The following PKNOX2 variants were observed in gnomAD, a reference collection of about 807,000 sequenced individuals.
The protein encoded by PKNOX2 is PBX/knotted 1 homeobox 2.
In PKNOX2, 14 loss-of-function variants were observed where a neutral mutation model predicts 53.1. The ratio of observed to expected loss-of-function variants is 0.26; its 90% CI spans 0.17 to 0.41. PKNOX2 has a LOEUF of 0.41. Ranked by LOEUF, PKNOX2 falls within the 10% of genes least tolerant of loss-of-function variation. The probability of loss-of-function intolerance (pLI) is 1.00; values close to 1 mark genes in which losing one functional copy is unlikely to be tolerated. For synonymous variants in PKNOX2, 257 were observed against 242.8 expected, an observed-to-expected ratio of 1.06 and a Z score of -0.54; for missense variants, 496 against 602.8, an observed-to-expected ratio of 0.82 and a Z score of 1.85.
chr11:125,224,591 C>T (rs1216128111), intron 1 of PKNOX2, among the ~76,000 whole-genome samples: 2 of 152,220 alleles, frequency 1.3e-5, no homozygotes, highest in South Asian at 2.1e-4. Context: ...CGTTTGTTCT[C>T]AGATTGGTGT....
intron 10 of PKNOX2, among the ~76,000 whole-genome samples, chr11:125,421,133 G>C (rs905768071): frequency 3.3e-5 from 5 of 152,188 alleles, no homozygotes; most frequent in Admixed American, 6.5e-5. Context: ...AGCACTAAGG[G>C]GGTTGATCAT....
intron 10 of PKNOX2, among the ~76,000 whole-genome samples, chr11:125,428,201 G>C (rs541525711): frequency 1.3e-5 from 2 of 152,134 alleles, no homozygotes; most frequent in Non-Finnish European, 2.9e-5. Flanking sequence ...GTCAGTGCAC[G>C]GGCTGCAGCA....
chr11:125,233,712 G>A (rs922455614), intron 1 of PKNOX2, among the ~76,000 whole-genome samples: 12 of 152,196 alleles, frequency 7.9e-5, no homozygotes, highest in African/African-American at 2.9e-4. Flanking sequence ...ATGAACCAGA[G>A]AGAAAATTTG....
chr11:125,400,540 A>G (rs980534561), intron 7 of PKNOX2, among the ~76,000 whole-genome samples: 2 of 152,152 alleles, frequency 1.3e-5, no homozygotes, highest in African/African-American at 2.4e-5. Context: ...GTCTGGCTTC[A>G]GCCTTCCTGG....
At chr11:125,381,506 C>T (rs774900607) in intron 5 of PKNOX2, among the ~76,000 whole-genome samples, 2 of 152,124 alleles carry the variant, frequency 1.3e-5, no homozygotes, top group African/African-American at 2.4e-5. Context: ...CCACAGAAGA[C>T]ACCCCCAGAT....
intron 2 of PKNOX2, among the ~76,000 whole-genome samples, chr11:125,250,922 C>T (rs1943944297): frequency 6.6e-6 from 1 of 152,246 alleles, no homozygotes; most frequent in African/African-American, 2.4e-5. Flanking sequence ...CTCCTTCTGC[C>T]TCCCCTCAGC....
At chr11:125,195,989 C>T (rs958234413) in intron 1 of PKNOX2, among the ~76,000 whole-genome samples, 1 of 152,006 alleles carries the variant, frequency 6.6e-6, no homozygotes, top group Non-Finnish European at 1.5e-5. Flanking sequence ...AGCCTCAGGC[C>T]GGTCCCCTCC....
chr11:125,261,441 G>A (rs1047254066), intron 2 of PKNOX2, among the ~76,000 whole-genome samples: 1 of 152,212 alleles, frequency 6.6e-6, no homozygotes, highest in Non-Finnish European at 1.5e-5. Flanking sequence ...AGGGTGCCCT[G>A]CAGCTAAGCA....
chr11:125,351,733 C>A lies in PKNOX2; in HGVS notation c.87+341C>A, dbSNP rs183922306. On this transcript the variant is annotated intron_variant, in intron 4 of 12. Coordinates refer to ENST00000298282, the MANE Select transcript of PKNOX2 (RefSeq NM_001382323.2). ...GGCAAAATCCACAGTGGGGGAGACC[C>A]AGGTACCGGATGTGAGCGGAACCGC... Among the ~76,000 whole-genome samples, 569 of 152,194 alleles carry A rather than the reference C, an allele frequency of 3.7e-3. 4 individuals are homozygous for A. The highest frequency in any genetic ancestry group is 0.01 in the Middle Eastern group (3 of 294).
At chr11:125,172,300 G>A (rs547614988) in intron 1 of PKNOX2, among the ~76,000 whole-genome samples, 28 of 152,254 alleles carry the variant, frequency 1.8e-4, no homozygotes, top group African/African-American at 6.0e-4. Context: ...ACCTTTCCAC[G>A]TTGGCTTCTC....
chr11:125,372,444 C>T (rs981550008), intron 5 of PKNOX2, among the ~76,000 whole-genome samples: 3 of 152,218 alleles, frequency 2.0e-5, no homozygotes, highest in African/African-American at 7.2e-5. Flanking sequence ...AGCTGCAATC[C>T]TACATTCTTG....
At chr11:125,427,908 C>G (rs1956507116) in intron 10 of PKNOX2, among the ~76,000 whole-genome samples, 1 of 152,174 alleles carries the variant, frequency 6.6e-6, no homozygotes, top group African/African-American at 2.4e-5. Flanking sequence ...ACTCAGCCAT[C>G]CTGTGGCCTC....
chr11:125,205,135 T>A (rs967045883), intron 1 of PKNOX2, among the ~76,000 whole-genome samples: 1 of 152,266 alleles, frequency 6.6e-6, no homozygotes, highest in Non-Finnish European at 1.5e-5. Context: ...CAGAAGATGC[T>A]CCATACATAT....
At chr11:125,346,279 A>G (rs554371242) in intron 3 of PKNOX2, among the ~76,000 whole-genome samples, 1 of 152,204 alleles carries the variant, frequency 6.6e-6, no homozygotes, top group Admixed American at 6.5e-5. Context: ...CCACTCTCCA[A>G]CTAGATGGGA....
At chr11:125,383,445 T>TAA (rs551704955) in intron 5 of PKNOX2, among the ~76,000 whole-genome samples, 3 of 121,858 alleles carry the variant, frequency 2.5e-5, no homozygotes, top group Non-Finnish European at 5.1e-5. Context: ...CCCTCTCTGC[T>TAA]AAAAAAAAAA....
intron 2 of PKNOX2, among the ~76,000 whole-genome samples, chr11:125,299,096 G>A (rs1395382995): frequency 6.6e-6 from 1 of 152,140 alleles, no homozygotes; most frequent in Non-Finnish European, 1.5e-5. Flanking sequence ...GGCAAAGGGG[G>A]AGCAGGCATG....
chr11:125,388,833 C>A (rs1953836008), intron 6 of PKNOX2, among the ~76,000 whole-genome samples: 1 of 152,094 alleles, frequency 6.6e-6, no homozygotes, highest in Non-Finnish European at 1.5e-5. Flanking sequence ...TCCCTCCCTC[C>A]ATTAGCCACC....
At chr11:125,404,083 G>T (rs906010974) in intron 7 of PKNOX2, among the ~76,000 whole-genome samples, 1 of 152,058 alleles carries the variant, frequency 6.6e-6, no homozygotes, top group African/African-American at 2.4e-5. Flanking sequence ...GCATCCTGAG[G>T]ACAGGACCAG....
chr11:125,276,210 G>C (rs770224690), intron 2 of PKNOX2, among the ~76,000 whole-genome samples: 1 of 152,158 alleles, frequency 6.6e-6, no homozygotes, highest in Non-Finnish European at 1.5e-5. Flanking sequence ...TCAGTGGAGC[G>C]GTGGGTAATA....
Sources: allele counts gnomAD v4.1 joint callset (sites outside exome capture counted in the v4.1 genomes callset), GRCh38; gene constraint gnomAD v4.1.1; transcripts MANE v1.5; gene names NCBI Gene and HGNC (gene_info 2026-07-23, HGNC 2026-07-21).